The following SLC24A2 variants were observed in gnomAD, a reference collection of about 807,000 sequenced individuals.
SLC24A2 encodes the protein sodium/potassium/calcium exchanger 2.
Under a neutral mutation model 62.0 loss-of-function variants are expected in SLC24A2, and 36 were observed. The ratio of observed to expected loss-of-function variants is 0.58; its 90% CI spans 0.44 to 0.77. The LOEUF (loss-of-function observed/expected upper bound fraction) is 0.77. Ranked by LOEUF, SLC24A2 falls within the 30% of genes least tolerant of loss-of-function variation. The pLI is 0.00. For synonymous variants in SLC24A2, 358 were observed against 294.0 expected, an observed-to-expected ratio of 1.22 and a Z score of -2.23; for missense variants, 846 against 817.9, an observed-to-expected ratio of 1.03 and a Z score of -0.42.
At chr9:19,592,088 T>C (rs1280706401) in intron 5 of SLC24A2, among the ~76,000 whole-genome samples, 3 of 152,238 alleles carry the variant, frequency 2.0e-5, no homozygotes, top group Non-Finnish European at 4.4e-5. Context: ...CATCAAATGA[T>C]TGGCTAGACA....
At chr9:19,684,641 A>T (rs1406942618) in intron 2 of SLC24A2, among the ~76,000 whole-genome samples, 2 of 152,108 alleles carry the variant, frequency 1.3e-5, no homozygotes, top group African/African-American at 2.4e-5. Context: ...GATATCTGGA[A>T]TTTGGGTCTT....
the SLC24A2 span, among the ~76,000 whole-genome samples, chr9:20,080,478 A>C: frequency 1.0e-3 from 156 of 152,288 alleles, no homozygotes; most frequent in Middle Eastern, 3.4e-3. Context: ...AAATTAATTC[A>C]AGATGGATTA....
chr9:20,198,556 G>T, the SLC24A2 span, among the ~76,000 whole-genome samples: 1 of 152,146 alleles, frequency 6.6e-6, no homozygotes, highest in East Asian at 1.9e-4. Context: ...AGCTTTGAAA[G>T]CCAGCTGGCG....
rs373251897 is a variant in SLC24A2, at chr9:19,764,848, ATC to A, written c.930+21087_930+21088del. ...CCATAGCTGAGATCAAGTCCTGAAT[ATC>A]TCTGTTAATTTTTTGTCTCATTGAT... On this transcript the variant is annotated intron_variant, in intron 2 of 10. Coordinates refer to ENST00000341998, the MANE Select transcript of SLC24A2 (RefSeq NM_020344.4). Among the ~76,000 whole-genome samples the A allele has an allele frequency of 8.9e-4, 135 of 152,316 alleles. 1 individual carries two copies. The highest frequency in any genetic ancestry group is 2.9e-3 in the African/African-American group (120 of 41,574).
In SLC24A2 at chr9:19,787,610, T is replaced by C. The variant is rs1455744496; in HGVS notation, c.-153-591A>G. Among the ~76,000 whole-genome samples the C allele has an allele frequency of 5.9e-5, 9 of 152,314 alleles. No individual in the cohort carries two copies. In the East Asian group the frequency reaches 1.3e-3, roughly 23 times the overall value. Reference sequence around the variant, plus strand: ...CAGATCTTATTTTTCATAAAAAGTCTCTCCTTTATCAGATGCGGGAAAGTA... The same window carrying C: ...CAGATCTTATTTTTCATAAAAAGTCCCTCCTTTATCAGATGCGGGAAAGTA... On this transcript the variant is annotated intron_variant, in intron 1 of 10. Coordinates refer to ENST00000341998, the MANE Select transcript of SLC24A2 (RefSeq NM_020344.4).
chr9:19,890,279 T>A, the SLC24A2 span, among the ~76,000 whole-genome samples: 1 of 152,212 alleles, frequency 6.6e-6, no homozygotes, highest in East Asian at 1.9e-4. Context: ...CATATTCTAT[T>A]AGAAACAAGT....
chr9:20,163,615 G>C, the SLC24A2 span, among the ~76,000 whole-genome samples: 2 of 152,090 alleles, frequency 1.3e-5, no homozygotes, highest in Non-Finnish European at 2.9e-5. Flanking sequence ...TTTCTTCACA[G>C]AATTGGAAAA....
the SLC24A2 span, among the ~76,000 whole-genome samples, chr9:20,079,522 A>G: frequency 6.6e-6 from 1 of 152,224 alleles, no homozygotes. Context: ...GACATACTGC[A>G]CATTGGCCAC....
chr9:20,273,178 T>C, the SLC24A2 span, among the ~76,000 whole-genome samples: 1 of 152,182 alleles, frequency 6.6e-6, no homozygotes, highest in East Asian at 1.9e-4. Flanking sequence ...TATGGCTTCC[T>C]GGAAATTGAG....
chr9:20,200,723 C>T, the SLC24A2 span, among the ~76,000 whole-genome samples: 6 of 152,276 alleles, frequency 3.9e-5, no homozygotes, highest in Non-Finnish European at 5.9e-5. Context: ...TGCCCAGGGA[C>T]GCTGCCATTG....
chr9:19,923,486 C>G, the SLC24A2 span, among the ~76,000 whole-genome samples: 1 of 152,112 alleles, frequency 6.6e-6, no homozygotes, highest in African/African-American at 2.4e-5. Context: ...TGGCTCTTTC[C>G]ACTCCCTACC....
chr9:20,079,817 A>T, the SLC24A2 span, among the ~76,000 whole-genome samples: 2 of 152,160 alleles, frequency 1.3e-5, no homozygotes, highest in African/African-American at 2.4e-5. Context: ...CTATCAGCTT[A>T]AGGAGATTTT....
At chr9:19,723,212 A>C (rs569226692) in intron 2 of SLC24A2, among the ~76,000 whole-genome samples, 15 of 152,302 alleles carry the variant, frequency 9.8e-5, no homozygotes, top group African/African-American at 3.4e-4. Flanking sequence ...ATTTACAATA[A>C]ATCTCCAAAT....
the SLC24A2 span, among the ~76,000 whole-genome samples, chr9:20,034,217 T>C: frequency 6.6e-6 from 1 of 152,246 alleles, no homozygotes; most frequent in East Asian, 1.9e-4. Context: ...CTGGATAAAA[T>C]ATTCTTTTTA....
the SLC24A2 span, among the ~76,000 whole-genome samples, chr9:19,866,463 C>T: frequency 6.6e-6 from 1 of 152,108 alleles, no homozygotes; most frequent in African/African-American, 2.4e-5. Flanking sequence ...GGTCCATCAA[C>T]AGATGACTGG....
At chr9:19,540,873 A>AG (rs1480907677) in intron 8 of SLC24A2, among the ~76,000 whole-genome samples, 2 of 41,430 alleles carry the variant, frequency 4.8e-5, no homozygotes, top group East Asian at 2.6e-3. Context: ...CTTTTCACAT[A>AG]GTCCCATATT....
intron 2 of SLC24A2, among the ~76,000 whole-genome samples, chr9:19,692,439 T>C (rs1050836686): frequency 8.5e-5 from 13 of 152,172 alleles, no homozygotes; most frequent in African/African-American, 2.9e-4. Context: ...TGGACTGTAA[T>C]ACCATACGAC....
chr9:19,769,812 A>C (rs1822630526), intron 2 of SLC24A2, among the ~76,000 whole-genome samples: 3 of 151,946 alleles, frequency 2.0e-5, no homozygotes, highest in African/African-American at 7.2e-5. Context: ...TTTTGCACAA[A>C]ATGCCTTTTG....
At chr9:19,684,712 C>CAGA (rs35555624) in intron 2 of SLC24A2, among the ~76,000 whole-genome samples, 69,614 of 151,478 alleles carry the variant, frequency 0.46, 17,045 homozygotes, top group East Asian at 0.85. Context: ...AAACGCAACC[C>CAGA]AGATGACAAG....
Sources: allele counts gnomAD v4.1 joint callset (sites outside exome capture counted in the v4.1 genomes callset), GRCh38; gene constraint gnomAD v4.1.1; transcripts MANE v1.5; gene names NCBI Gene and HGNC (gene_info 2026-07-23, HGNC 2026-07-21).